The following RXFP1 variants were observed in gnomAD, a reference collection of about 807,000 sequenced individuals.
The protein encoded by RXFP1 is relaxin receptor 1.
A neutral mutation model predicts 89.8 loss-of-function variants in RXFP1; 73 were observed. That is an observed-to-expected ratio of 0.81 (90% CI 0.67 to 0.99). RXFP1 has a LOEUF of 0.99. Ranked by LOEUF, RXFP1 falls within the 50% of genes least tolerant of loss-of-function variation. RXFP1 has a pLI of 0.00. For synonymous variants in RXFP1, 277 were observed against 305.5 expected, an observed-to-expected ratio of 0.91 and a Z score of 0.97; for missense variants, 793 against 895.5, an observed-to-expected ratio of 0.89 and a Z score of 1.46.
At chr4:158,601,835 A>G (rs1478904218) in intron 4 of RXFP1, among the ~76,000 whole-genome samples, 1 of 152,228 alleles carries the variant, frequency 6.6e-6, no homozygotes, top group Non-Finnish European at 1.5e-5. Context: ...CTAATGAACA[A>G]AACAGGCAAA....
At chr4:158,589,475 G>A (rs927334921) in intron 2 of RXFP1, among the ~76,000 whole-genome samples, 1 of 152,170 alleles carries the variant, frequency 6.6e-6, no homozygotes, top group Non-Finnish European at 1.5e-5. Flanking sequence ...TCTGCAGCAT[G>A]CTGGGCTCTG....
At chr4:158,527,727 C>T (rs1474097046) in intron 1 of RXFP1, among the ~76,000 whole-genome samples, 1 of 151,742 alleles carries the variant, frequency 6.6e-6, no homozygotes, top group Non-Finnish European at 1.5e-5. Flanking sequence ...TAATGTTGCT[C>T]AAGTACTATT....
intron 5 of RXFP1, 32 bp from the exon 6 acceptor site, chr4:158,607,939 AT>A (rs11393653): frequency 1.2e-4 from 167 of 1,405,494 alleles, no homozygotes; most frequent in Middle Eastern, 7.2e-4. Context: ...ACTCTGCTTC[AT>A]TTTTTTTTCT....
At chr4:158,530,566 T>C (rs1743771691) in intron 1 of RXFP1, among the ~76,000 whole-genome samples, 2 of 152,228 alleles carry the variant, frequency 1.3e-5, no homozygotes, top group African/African-American at 2.4e-5. Context: ...GGTTTATAAA[T>C]GTTTCTACTT....
intron 2 of RXFP1, among the ~76,000 whole-genome samples, chr4:158,576,975 A>G (rs1450599296): frequency 6.6e-6 from 1 of 151,920 alleles, no homozygotes; most frequent in African/African-American, 2.4e-5. Flanking sequence ...CCTTCATTTT[A>G]TAGTATCTGG....
chr4:158,607,156 CTTTGTG>C, intron 5 of RXFP1: 1 of 1,498,268 alleles, frequency 6.7e-7, no homozygotes, highest in Non-Finnish European at 9.0e-7. Flanking sequence ...AAGTGCAAAA[CTTTGTG>C]TGGGTGCAAT....
At chr4:158,610,227 T>C (rs1288205006) in intron 6 of RXFP1, among the ~76,000 whole-genome samples, 1 of 152,170 alleles carries the variant, frequency 6.6e-6, no homozygotes, top group Non-Finnish European at 1.5e-5. Context: ...ATCGCGCCAC[T>C]GCACTCCAGC....
rs1580014270 is a variant in RXFP1, at chr4:158,608,034, T to C, written c.527T>C (p.Leu176Pro). Residue 176 changes from leucine to proline, a missense_variant, in exon 6 of 18, where the codon CTT becomes CCT. By Grantham distance (98) the Leu-to-Pro change is moderately conservative (BLOSUM62 -3). Coordinates refer to ENST00000307765, the MANE Select transcript of RXFP1 (RefSeq NM_021634.4). ...SIYAFRGLNS[L>P]TKLYLSHNRI... ...TATGCTTTCAGAGGACTGAATAGCC[T>C]TACTAAACTGTAAGTACCAGTGTGA... 1 of 1,598,834 alleles carries C rather than the reference T, an allele frequency of 6.3e-7. No homozygotes were observed. Among genetic ancestry groups the C allele is most frequent in the East Asian group, 2.2e-5 (1 of 44,578 alleles).
intron 15 of RXFP1, chr4:158,646,288 T>A (rs775251071): frequency 1.8e-5 from 8 of 455,418 alleles, no homozygotes; most frequent in South Asian, 3.1e-5. Context: ...ATTATACATA[T>A]CTCTTAAATT....
intron 2 of RXFP1, among the ~76,000 whole-genome samples, chr4:158,578,678 A>G (rs1167497867): frequency 6.6e-6 from 1 of 152,172 alleles, no homozygotes; most frequent in African/African-American, 2.4e-5. Flanking sequence ...GCTCCCCCTC[A>G]TGGTTACACT....
intron 13 of RXFP1, 114 bp from the exon 14 acceptor site, chr4:158,639,146 C>G: frequency 1.7e-6 from 1 of 596,968 alleles, no homozygotes; most frequent in South Asian, 2.3e-5. Context: ...TTATTTTGTT[C>G]AGAGTAAGTG....
intron 9 of RXFP1, among the ~76,000 whole-genome samples, chr4:158,621,754 G>A (rs542104949): frequency 6.6e-6 from 1 of 152,296 alleles, no homozygotes; most frequent in South Asian, 2.1e-4. Context: ...TGGGAAAGAA[G>A]ACCTGGGAAG....
At position 158,573,577 on chromosome 4, in the gene RXFP1, G is replaced by A. The variant is rs562530414; in HGVS notation, c.187+742G>A. Among the ~76,000 whole-genome samples, 26 of 152,134 alleles carry A rather than the reference G, an allele frequency of 1.7e-4. No individual in the cohort carries two copies. The South Asian group carries it at 5.4e-3, about 32-fold the overall frequency. On this transcript the variant is annotated intron_variant, in intron 2 of 17. Transcript: ENST00000307765. ...CCCAAGACAACTCTTCTTCCAATGT[G>A]GTCCAGGGAAGCCCAAAGACTGGAC...
chr4:158,575,838 G>A (rs1000076956), intron 2 of RXFP1, among the ~76,000 whole-genome samples: 15 of 152,172 alleles, frequency 9.9e-5, no homozygotes, highest in Non-Finnish European at 1.8e-4. Flanking sequence ...AGTGTTATCA[G>A]TTAGCTGTAA....
chr4:158,584,960 G>A (rs993010284), intron 2 of RXFP1, among the ~76,000 whole-genome samples: 5 of 152,148 alleles, frequency 3.3e-5, no homozygotes, highest in Admixed American at 3.3e-4. Flanking sequence ...CACTTGGAAG[G>A]CTCGTTAAAA....
At chr4:158,563,971 T>G (rs2149955739) in intron 1 of RXFP1, among the ~76,000 whole-genome samples, 1 of 148,446 alleles carries the variant, frequency 6.7e-6, no homozygotes, top group East Asian at 1.9e-4. Context: ...ATATATAACA[T>G]ATGTATATAT....
intron 1 of RXFP1, among the ~76,000 whole-genome samples, chr4:158,525,250 T>C (rs1346132963): frequency 6.6e-6 from 1 of 151,530 alleles, no homozygotes; most frequent in East Asian, 1.9e-4. Flanking sequence ...TTTTAATTTG[T>C]ATAAATTTAT....
chr4:158,551,970 A>T (rs1750247365), intron 1 of RXFP1, among the ~76,000 whole-genome samples: 1 of 152,182 alleles, frequency 6.6e-6, no homozygotes, highest in African/African-American at 2.4e-5. Context: ...AGAAATTTTT[A>T]AAAAATAAAG....
intron 12 of RXFP1, 33 bp downstream of exon 12, chr4:158,633,509 C>T (rs904604875): frequency 3.7e-6 from 5 of 1,340,012 alleles, no homozygotes; most frequent in Non-Finnish European, 5.2e-6. Context: ...CACCTCGTTT[C>T]TTTATTTTAT....
Sources: gnomAD v4.1 joint callset for allele counts (sites outside exome capture counted in the v4.1 genomes callset) on GRCh38, gnomAD v4.1.1 for gene constraint, MANE v1.5 for transcripts, NCBI Gene and HGNC (gene_info 2026-07-23, HGNC 2026-07-21) for gene names.